The following ZCCHC7 variants were observed in gnomAD, a reference collection of about 807,000 sequenced individuals.
ZCCHC7 encodes the protein zinc finger CCHC domain-containing protein 7.
ZCCHC7 carries 35 observed loss-of-function variants against 52.0 expected under a neutral mutation model. That is an observed-to-expected ratio of 0.67 (90% CI 0.51 to 0.89). The LOEUF (loss-of-function observed/expected upper bound fraction) is 0.89. Ranked by LOEUF, ZCCHC7 falls within the 40% of genes least tolerant of loss-of-function variation. The pLI, the probability that ZCCHC7 is intolerant of heterozygous loss-of-function variation, is 0.00. For missense variants in ZCCHC7, 574 were observed against 649.1 expected (o/e 0.88, Z 1.26); for synonymous variants, 217 against 221.5 (o/e 0.98, Z 0.18).
chr9:37,299,439 A>G (rs1828933565), intron 2 of ZCCHC7, among the ~76,000 whole-genome samples: 1 of 152,204 alleles, frequency 6.6e-6, no homozygotes, highest in Non-Finnish European at 1.5e-5. Context: ...CAGAGATCTT[A>G]AGTATCCTGC....
chr9:37,356,507 G>A (rs1421158719), intron 8 of ZCCHC7, among the ~76,000 whole-genome samples: 3 of 152,180 alleles, frequency 2.0e-5, no homozygotes, highest in Admixed American at 6.5e-5. Context: ...AGGCTGACTC[G>A]TCATCATTGG....
rs150297255 is a variant in ZCCHC7, at chr9:37,181,877, G to A, written c.610+54935G>A. Reference sequence around the variant, plus strand: ...ATTTTTAAAAAAAATTTGAGATGGAGTCTTGCTGTGTCGCCCAGGCTGGTC... The same window carrying A: ...ATTTTTAAAAAAAATTTGAGATGGAATCTTGCTGTGTCGCCCAGGCTGGTC... On this transcript the variant is annotated intron_variant, in intron 2 of 8. Transcript: ENST00000336755. Among the ~76,000 whole-genome samples the A allele has an allele frequency of 3.5e-4, 53 of 152,264 alleles. 1 individual carries two copies. The East Asian group carries it at 9.6e-3, about 28-fold the overall frequency.
intron 2 of ZCCHC7, among the ~76,000 whole-genome samples, chr9:37,176,677 G>C (rs1387680369): frequency 6.6e-6 from 1 of 151,856 alleles, no homozygotes; most frequent in Non-Finnish European, 1.5e-5. Flanking sequence ...AATTAGTAAT[G>C]CTTCTAAATG....
intron 2 of ZCCHC7, among the ~76,000 whole-genome samples, chr9:37,206,003 T>C (rs1298402064): frequency 6.6e-6 from 1 of 152,192 alleles, no homozygotes; most frequent in East Asian, 1.9e-4. Flanking sequence ...AATGTTTCTC[T>C]TTATTCCTGA....
intron 2 of ZCCHC7, among the ~76,000 whole-genome samples, chr9:37,172,594 A>G (rs569256792): frequency 6.6e-6 from 1 of 152,378 alleles, no homozygotes; most frequent in Non-Finnish European, 1.5e-5. Context: ...AATTTGAGCA[A>G]CAGTTTTTGT....
At chr9:37,310,827 C>T (rs541509736) in intron 5 of ZCCHC7, among the ~76,000 whole-genome samples, 1 of 151,750 alleles carries the variant, frequency 6.6e-6, no homozygotes, top group Non-Finnish European at 1.5e-5. Context: ...CAGGGTGGCA[C>T]GCACCTGTAG....
At chr9:37,131,476 T>A (rs918005840) in intron 2 of ZCCHC7, among the ~76,000 whole-genome samples, 1 of 151,670 alleles carries the variant, frequency 6.6e-6, no homozygotes, top group African/African-American at 2.4e-5. Flanking sequence ...TGAAACCCCG[T>A]CTCTACTAAA....
chr9:37,282,539 A>AGCTTG (rs1181013302), intron 2 of ZCCHC7, among the ~76,000 whole-genome samples: 1 of 146,250 alleles, frequency 6.8e-6, no homozygotes, highest in African/African-American at 2.5e-5. Flanking sequence ...TGGGAGGCAG[A>AGCTTG]GCTTGCAGTG....
At position 37,357,160 on chromosome 9, in the gene ZCCHC7, G is replaced by C. The variant is rs1476449897; in HGVS notation, c.1524G>C (p.Lys508Asn). The change falls in exon 9 of 9, where the codon AAG (lysine) becomes AAC (asparagine). Residue 508 changes from lysine (K) to asparagine (N), a missense_variant. Around this residue, in one of 3 missense-constraint regions of ZCCHC7, gnomAD observed 168 missense variants for 171.6 expected, o/e 0.98. Coordinates refer to ENST00000336755, the MANE Select transcript of ZCCHC7 (RefSeq NM_032226.3). The part of the protein sequence containing the change: ...SSHYHTSRED[K>N]SPKEGKRGKQ... ...ATTACCACACGTCAAGAGAAGACAAGTCTCCCAAGGAAGGCAAGAGGGGCA... is the reference window on the plus strand; with the variant it reads ...ATTACCACACGTCAAGAGAAGACAACTCTCCCAAGGAAGGCAAGAGGGGCA... 1 of 1,613,324 alleles carries C rather than the reference G, an allele frequency of 6.2e-7. No individual in the cohort carries two copies.
chr9:37,149,779 T>C (rs1246259447), intron 2 of ZCCHC7, among the ~76,000 whole-genome samples: 1 of 152,190 alleles, frequency 6.6e-6, no homozygotes, highest in Non-Finnish European at 1.5e-5. Flanking sequence ...GTAAGTTGCT[T>C]TGACAGACTT....
intron 2 of ZCCHC7, among the ~76,000 whole-genome samples, chr9:37,191,080 C>T (rs1205991039): frequency 6.6e-6 from 1 of 151,864 alleles, no homozygotes; most frequent in Non-Finnish European, 1.5e-5. Flanking sequence ...TGTCCCGTTT[C>T]AGGGTACACC....
intron 2 of ZCCHC7, among the ~76,000 whole-genome samples, chr9:37,270,337 G>A (rs933071992): frequency 2.6e-5 from 4 of 152,072 alleles, no homozygotes; most frequent in Non-Finnish European, 5.9e-5. Context: ...CAAGTTCTTG[G>A]CATTTTCGTG....
chr9:37,191,243 C>T (rs1246348215), intron 2 of ZCCHC7, among the ~76,000 whole-genome samples: 1 of 152,072 alleles, frequency 6.6e-6, no homozygotes, highest in Non-Finnish European at 1.5e-5. Flanking sequence ...TCTAATTTGT[C>T]ATAAGATTCT....
At chr9:37,351,268 C>T (rs964828803) in intron 7 of ZCCHC7, among the ~76,000 whole-genome samples, 1 of 152,038 alleles carries the variant, frequency 6.6e-6, no homozygotes. Context: ...TCTCTTTGGT[C>T]CCATTTCTTT....
intron 2 of ZCCHC7, among the ~76,000 whole-genome samples, chr9:37,163,116 A>G (rs933673917): frequency 1.3e-4 from 20 of 152,106 alleles, no homozygotes; most frequent in Non-Finnish European, 2.1e-4. Flanking sequence ...CAGAAGAATC[A>G]CTTGAACCCG....
At chr9:37,159,740 C>T (rs535339973) in intron 2 of ZCCHC7, among the ~76,000 whole-genome samples, 1 of 152,238 alleles carries the variant, frequency 6.6e-6, no homozygotes, top group African/African-American at 2.4e-5. Flanking sequence ...TTCTAGAATT[C>T]CTGTAGAACC....
At chr9:37,303,245 C>T (rs1710183237) in intron 3 of ZCCHC7, among the ~76,000 whole-genome samples, 3 of 151,844 alleles carry the variant, frequency 2.0e-5, no homozygotes, top group Non-Finnish European at 2.9e-5. Context: ...GGCAACATGG[C>T]GAAACTCCTT....
chr9:37,181,653 G>A (rs984946087), intron 2 of ZCCHC7, among the ~76,000 whole-genome samples: 1 of 152,186 alleles, frequency 6.6e-6, no homozygotes, highest in Non-Finnish European at 1.5e-5. Flanking sequence ...TACGTGAAAT[G>A]TCCAAATGGG....
chr9:37,242,651 G>A (rs1014728909), intron 2 of ZCCHC7, among the ~76,000 whole-genome samples: 1 of 151,738 alleles, frequency 6.6e-6, no homozygotes, highest in Non-Finnish European at 1.5e-5. Context: ...CAAGCTGACA[G>A]GATGACATAG....
Sources: gnomAD v4.1 joint callset for allele counts (sites outside exome capture counted in the v4.1 genomes callset) on GRCh38, gnomAD v4.1.1 for gene constraint, gnomAD v4.1.1 regional missense constraint, MANE v1.5 for transcripts, NCBI Gene and HGNC (gene_info 2026-07-23, HGNC 2026-07-21) for gene names.